The following NCAM2 variants were observed in gnomAD, a reference collection of about 807,000 sequenced individuals.
NCAM2 encodes N-CAM-2.
NCAM2 carries 30 observed loss-of-function variants against 98.1 expected under a neutral mutation model. That is an observed-to-expected ratio of 0.31 (90% confidence interval 0.23 to 0.41). NCAM2 has a LOEUF of 0.41. NCAM2 is among the 10% of genes least tolerant of loss of function. The probability of loss-of-function intolerance (pLI) is 1.00; values close to 1 mark genes in which losing one functional copy is unlikely to be tolerated. For synonymous variants in NCAM2, 368 were observed against 342.4 expected, an observed-to-expected ratio of 1.07 and a Z score of -0.83; for missense variants, 867 against 1,005.8, an observed-to-expected ratio of 0.86 and a Z score of 1.87.
chr21:21,184,559 T>A (rs1336448966), intron 1 of NCAM2, among the ~76,000 whole-genome samples: 1 of 152,114 alleles, frequency 6.6e-6, no homozygotes, highest in African/African-American at 2.4e-5. Flanking sequence ...ATACATATTG[T>A]TAAGCTCTCC....
At chr21:21,278,017 T>C (rs1250747830) in intron 1 of NCAM2, among the ~76,000 whole-genome samples, 1 of 152,142 alleles carries the variant, frequency 6.6e-6, no homozygotes, top group African/African-American at 2.4e-5. Context: ...AAATTTGAAA[T>C]TGAAGTATGC....
intron 1 of NCAM2, among the ~76,000 whole-genome samples, chr21:21,033,548 G>T (rs533911476): frequency 6.6e-6 from 1 of 152,096 alleles, no homozygotes; most frequent in African/African-American, 2.4e-5. Context: ...TTTTTTTCAG[G>T]TGAAATAAAT....
chr21:21,261,873 C>A (rs1057317833), intron 1 of NCAM2, among the ~76,000 whole-genome samples: 1 of 151,878 alleles, frequency 6.6e-6, no homozygotes, highest in Admixed American at 6.6e-5. Flanking sequence ...GGAAGAAATG[C>A]ATGAAACTGA....
Position 21,167,009 on chromosome 21 carries a change from G to A in NCAM2, c.56-113569G>A, listed in dbSNP as rs573454110. Among the ~76,000 whole-genome samples, 14 of 152,196 alleles carry A rather than the reference G, an allele frequency of 9.2e-5. No individual in the cohort carries two copies. The South Asian group carries it at 2.7e-3, about 29-fold the overall frequency. On this transcript the variant is annotated intron_variant, in intron 1 of 17. Coordinates refer to ENST00000400546, the MANE Select transcript of NCAM2 (RefSeq NM_004540.5). Reference sequence around the variant, plus strand: ...TAACCTGCTGACTACCCTTCTCTAAGTATTGCTTTATCTCCAAATTATGCT... The same window carrying A: ...TAACCTGCTGACTACCCTTCTCTAAATATTGCTTTATCTCCAAATTATGCT...
At chr21:21,442,609 G>C (rs1291942199) in intron 12 of NCAM2, among the ~76,000 whole-genome samples, 1 of 152,078 alleles carries the variant, frequency 6.6e-6, no homozygotes, top group Non-Finnish European at 1.5e-5. Flanking sequence ...AAAGTCACTT[G>C]CATTTGGATG....
chr21:21,508,838 T>TAA lies in NCAM2; in HGVS notation c.2078-13_2078-12insAA. ...TTTTTTTTTTTTTTTTTTTTTTTTT[T>TAA]TTACTTTTTAAGACACGCTGTTTAA... On this transcript the variant is annotated splice_polypyrimidine_tract_variant and intron_variant, in intron 15 of 17. Transcript: ENST00000400546. 6 of 1,112,124 alleles carry TAA rather than the reference T, an allele frequency of 5.4e-6. No homozygotes were observed. The highest frequency in any genetic ancestry group is 7.0e-6 in the Non-Finnish European group (6 of 861,292). 68.9% of individuals were successfully genotyped at this position (1,112,124 alleles called of 1,614,324 possible). A position where few individuals can be genotyped will look rare whatever the true frequency, so the allele number is the denominator to read the frequency against.
At chr21:21,500,129 A>G (rs1364099224) in intron 15 of NCAM2, among the ~76,000 whole-genome samples, 1 of 152,168 alleles carries the variant, frequency 6.6e-6, no homozygotes, top group Non-Finnish European at 1.5e-5. Flanking sequence ...GGAAGAATAT[A>G]AAATTCAATC....
rs572198183 is a variant in NCAM2 at position 21,338,759 on chromosome 21, G to A, written c.1044+225G>A. Among the ~76,000 whole-genome samples, 61 of 152,146 alleles carry A rather than the reference G, an allele frequency of 4.0e-4. No homozygotes were observed. In the South Asian group the frequency reaches 0.012, roughly 31 times the overall value. ...AGATGTTCTTTATTAAGTCACAAAC[G>A]TTTAGGCTATTGGTATTACTAGCAT... On this transcript the variant is annotated intron_variant, in intron 8 of 17. Coordinates refer to ENST00000400546, the MANE Select transcript of NCAM2 (RefSeq NM_004540.5).
intron 15 of NCAM2, among the ~76,000 whole-genome samples, chr21:21,485,532 T>G (rs1397634747): frequency 6.6e-6 from 1 of 152,098 alleles, no homozygotes; most frequent in Admixed American, 6.5e-5. Context: ...TTTGAGGGAG[T>G]AGCATGAAGA....
At chr21:21,460,059 T>A (rs891101876) in intron 12 of NCAM2, among the ~76,000 whole-genome samples, 1 of 151,876 alleles carries the variant, frequency 6.6e-6, no homozygotes, top group Admixed American at 6.6e-5. Flanking sequence ...TTAAACCCCT[T>A]AAATATATAT....
intron 1 of NCAM2, among the ~76,000 whole-genome samples, chr21:21,277,426 A>G (rs1163611108): frequency 2.0e-5 from 3 of 152,174 alleles, no homozygotes; most frequent in African/African-American, 4.8e-5. Context: ...AGATGGGTCT[A>G]TCACACACTG....
chr21:21,006,096 T>G (rs947626318), intron 1 of NCAM2, among the ~76,000 whole-genome samples: 4 of 152,216 alleles, frequency 2.6e-5, no homozygotes. Context: ...CAAAGAGCAT[T>G]AAATACATTT....
At chr21:21,237,507 GT>G (rs1568814754) in intron 1 of NCAM2, among the ~76,000 whole-genome samples, 1 of 151,968 alleles carries the variant, frequency 6.6e-6, no homozygotes, top group Non-Finnish European at 1.5e-5. Flanking sequence ...AGGAAAAAAT[GT>G]TTCTTTAAAT....
At chr21:21,028,315 C>T (rs533565075) in intron 1 of NCAM2, among the ~76,000 whole-genome samples, 3 of 152,278 alleles carry the variant, frequency 2.0e-5, no homozygotes, top group Admixed American at 2.0e-4. Flanking sequence ...CAATTCCAGT[C>T]ATCTTGTTAT....
At chr21:21,251,264 C>T (rs1911219740) in intron 1 of NCAM2, among the ~76,000 whole-genome samples, 1 of 152,100 alleles carries the variant, frequency 6.6e-6, no homozygotes, top group African/African-American at 2.4e-5. Context: ...ATCAACTCAT[C>T]ATCTAGGTTT....
At chr21:21,246,397 G>T (rs1339640679) in intron 1 of NCAM2, among the ~76,000 whole-genome samples, 3 of 152,124 alleles carry the variant, frequency 2.0e-5, no homozygotes, top group Non-Finnish European at 4.4e-5. Context: ...AGCAGAAATA[G>T]ATAATATAGT....
At chr21:21,466,324 A>G (rs1192903270) in intron 12 of NCAM2, among the ~76,000 whole-genome samples, 1 of 151,962 alleles carries the variant, frequency 6.6e-6, no homozygotes, top group Admixed American at 6.6e-5. Flanking sequence ...TATTAAAAAG[A>G]TTTAACTTTC....
In NCAM2 at chr21:21,002,755, T is replaced by A. The variant is rs572223722; in HGVS notation, c.55+4137T>A. Among the ~76,000 whole-genome samples, 45 of 152,256 alleles carry A rather than the reference T, an allele frequency of 3.0e-4. No individual in the cohort carries two copies. The South Asian group carries it at 9.1e-3, about 31-fold the overall frequency. On this transcript the variant is annotated intron_variant, in intron 1 of 17. Transcript: ENST00000400546. ...CAAAATGAAATTAATCCCTTGAGTGTTGATATGTGCAAAATTAATTTAATA... is the reference window on the plus strand; with the variant it reads ...CAAAATGAAATTAATCCCTTGAGTGATGATATGTGCAAAATTAATTTAATA...
chr21:21,087,727 A>C (rs2065932477), intron 1 of NCAM2, among the ~76,000 whole-genome samples: 1 of 152,204 alleles, frequency 6.6e-6, no homozygotes, highest in South Asian at 2.1e-4. Context: ...TTATTGCATA[A>C]GGTACTAAGG....
Sources: gnomAD v4.1 joint callset for allele counts (sites outside exome capture counted in the v4.1 genomes callset) on GRCh38, gnomAD v4.1.1 for gene constraint, MANE v1.5 for transcripts, NCBI Gene and HGNC (gene_info 2026-07-23, HGNC 2026-07-21) for gene names.